The following PAFAH1B1 variants were observed in gnomAD, a reference collection of about 807,000 sequenced individuals.
PAFAH1B1 encodes the protein platelet activating factor acetylhydrolase 1b regulatory subunit 1.
A neutral mutation model predicts 57.5 loss-of-function variants in PAFAH1B1; 2 were observed. That is an observed-to-expected ratio of 0.03 (90% CI 0.01 to 0.11). PAFAH1B1 has a LOEUF of 0.11. Ranked by LOEUF, PAFAH1B1 falls within the 10% of genes least tolerant of loss-of-function variation. PAFAH1B1 has a pLI of 1.00. For synonymous variants in PAFAH1B1, 152 were observed against 169.6 expected, an observed-to-expected ratio of 0.90 and a Z score of 0.81; for missense variants, 257 against 512.0, an observed-to-expected ratio of 0.50 and a Z score of 4.81.
At chr17:2,673,806 G>A in intron 7 of PAFAH1B1, 1 of 462,356 alleles carries the variant, frequency 2.2e-6, no homozygotes, top group Non-Finnish European at 3.9e-6. Flanking sequence ...ACTTTTAAGT[G>A]TGCATTTAGT....
At chr17:2,649,523 C>T (rs201493165) in intron 2 of PAFAH1B1, among the ~76,000 whole-genome samples, 291 of 146,876 alleles carry the variant, frequency 2.0e-3, no homozygotes, top group East Asian at 5.0e-3. Context: ...TTGCAGTGAG[C>T]GGATGTCGTG....
At chr17:2,607,135 T>A (rs1321861024) in intron 1 of PAFAH1B1, among the ~76,000 whole-genome samples, 2 of 151,928 alleles carry the variant, frequency 1.3e-5, no homozygotes, top group Non-Finnish European at 2.9e-5. Flanking sequence ...AGAGCTTTTT[T>A]AAAGAAGGCA....
intron 2 of PAFAH1B1, among the ~76,000 whole-genome samples, chr17:2,652,264 A>T (rs966456515): frequency 7.2e-5 from 11 of 152,110 alleles, no homozygotes; most frequent in African/African-American, 2.7e-4. Context: ...CAAAAAAAAA[A>T]ATTGGCCGGG....
intron 10 of PAFAH1B1, chr17:2,681,012 A>C (rs2069375625): frequency 6.3e-6 from 1 of 158,972 alleles, no homozygotes. Context: ...TGAGCCCAGG[A>C]GTTCTGGGTT....
intron 10 of PAFAH1B1, 35 bp from the exon 11 acceptor site, chr17:2,681,694 G>A (rs767902659): frequency 6.5e-7 from 1 of 1,543,980 alleles, no homozygotes; most frequent in Non-Finnish European, 8.9e-7. Flanking sequence ...AGGCTTACGT[G>A]TGAGTTTTAA....
chr17:2,643,030 T>C (rs1239468221), intron 2 of PAFAH1B1, among the ~76,000 whole-genome samples: 1 of 152,038 alleles, frequency 6.6e-6, no homozygotes, highest in African/African-American at 2.4e-5. Flanking sequence ...GATAGATATA[T>C]ATCTTCTTAT....
chr17:2,610,967 A>G (rs2151614711), intron 1 of PAFAH1B1, among the ~76,000 whole-genome samples: 1 of 152,308 alleles, frequency 6.6e-6, no homozygotes, highest in Middle Eastern at 3.4e-3. Flanking sequence ...CCATACATCA[A>G]GTACAGACCA....
intron 10 of PAFAH1B1, chr17:2,680,794 A>G: frequency 8.9e-6 from 2 of 225,872 alleles, no homozygotes; most frequent in Non-Finnish European, 1.8e-5. Context: ...TAAATGCACT[A>G]AAGTATAATG....
intron 1 of PAFAH1B1, among the ~76,000 whole-genome samples, chr17:2,605,962 A>G (rs1347880963): frequency 2.6e-5 from 4 of 152,184 alleles, no homozygotes; most frequent in African/African-American, 9.7e-5. Context: ...ACACTAGGGA[A>G]GCAAAGTCTT....
intron 2 of PAFAH1B1, chr17:2,641,753 TACGGGC>T (rs1232167368): frequency 1.3e-5 from 2 of 152,220 alleles, no homozygotes; most frequent in African/African-American, 4.8e-5. Context: ...GAGACCAAGA[TACGGGC>T]ACTAGGTATG....
intron 2 of PAFAH1B1, among the ~76,000 whole-genome samples, chr17:2,647,464 G>C (rs979157575): frequency 1.3e-5 from 2 of 152,156 alleles, no homozygotes; most frequent in African/African-American, 4.8e-5. Context: ...TTGAACCTGA[G>C]AGGCAGAGAT....
In PAFAH1B1 at chr17:2,675,332, T is replaced by C. The variant is rs559965144; in HGVS notation, c.900+1044T>C. On this transcript the variant is annotated intron_variant, in intron 8 of 10. Coordinates refer to ENST00000397195, the MANE Select transcript of PAFAH1B1 (RefSeq NM_000430.4). ...ATTGATTTTGACAGAGGCATTCCTA[T>C]CATGTATTTTTAAAACTACATGTCA... 8.5e-4 allele frequency among the ~76,000 whole-genome samples: 130 copies of C among 152,300 alleles called. 2 individuals are homozygous for C. The highest frequency in any genetic ancestry group is 2.9e-3 in the African/African-American group (122 of 41,578).
At position 2,666,094 on chromosome 17, in the gene PAFAH1B1, A is replaced by C; in HGVS notation, c.192+4A>C. 1 of 1,496,668 alleles carries C rather than the reference A, an allele frequency of 6.7e-7. No individual in the cohort carries two copies. The highest frequency in any genetic ancestry group is 9.1e-7 in the Non-Finnish European group (1 of 1,094,012). 92.7% of individuals were successfully genotyped at this position (1,496,668 alleles called of 1,614,324 possible). A position where few individuals can be genotyped will look rare whatever the true frequency, so the allele number is the denominator to read the frequency against. ...TGTTATTAGATTACAAAAGAAGGTAACTAAGTCTTTTTTCTTTAAAATTAG... is the reference window on the plus strand; with the variant it reads ...TGTTATTAGATTACAAAAGAAGGTACCTAAGTCTTTTTTCTTTAAAATTAG... On this transcript the variant is annotated splice_donor_region_variant and intron_variant, in intron 4 of 10. Coordinates refer to ENST00000397195, the MANE Select transcript of PAFAH1B1 (RefSeq NM_000430.4).
chr17:2,645,104 G>A (rs552405396), intron 2 of PAFAH1B1, among the ~76,000 whole-genome samples: 7 of 152,110 alleles, frequency 4.6e-5, no homozygotes, highest in South Asian at 4.2e-4. Flanking sequence ...AAAATTAGCC[G>A]GTTGTGGTGG....
chr17:2,614,438 T>C (rs1033658809), intron 1 of PAFAH1B1, among the ~76,000 whole-genome samples: 1 of 152,188 alleles, frequency 6.6e-6, no homozygotes, highest in Non-Finnish European at 1.5e-5. Flanking sequence ...TGCTGACCCC[T>C]GGTCTAGATA....
intron 1 of PAFAH1B1, among the ~76,000 whole-genome samples, chr17:2,595,862 C>G (rs545867936): frequency 6.6e-6 from 1 of 152,146 alleles, no homozygotes; most frequent in Non-Finnish European, 1.5e-5. Flanking sequence ...TACCTCCCCC[C>G]ACATCCTTTT....
upstream of PAFAH1B1, among the ~76,000 whole-genome samples, chr17:2,593,590 G>GGGCGGCGGGGGCGGC: frequency 6.7e-6 from 1 of 148,772 alleles, no homozygotes; most frequent in East Asian, 2.0e-4. Context: ...GGCGGGTCTG[G>GGGCGGCGGGGGCGGC]GGCGGCGGCG....
At chr17:2,638,349 AAAAT>A (rs774268546) in intron 2 of PAFAH1B1, 29 bp downstream of exon 2, 85 of 1,597,600 alleles carry the variant, frequency 5.3e-5, no homozygotes, top group Middle Eastern at 3.5e-4. Flanking sequence ...TGCTTTAAAA[AAAAT>A]CTCCCTCATG....
Position 2,653,879 on chromosome 17 carries a change from G to A in PAFAH1B1, c.33-11493G>A, listed in dbSNP as rs938630206. Among the ~76,000 whole-genome samples the A allele has an allele frequency of 4.6e-5, 7 of 152,146 alleles. No homozygotes were observed. The East Asian group carries it at 1.4e-3, about 29-fold the overall frequency. Reference sequence around the variant, plus strand: ...GCTGGAGTACAGTGGCGCAATCTCGGCTTACTGCAACCTCCACCTCCTGGG... The same window carrying A: ...GCTGGAGTACAGTGGCGCAATCTCGACTTACTGCAACCTCCACCTCCTGGG... On this transcript the variant is annotated intron_variant, in intron 2 of 10. Coordinates refer to ENST00000397195, the MANE Select transcript of PAFAH1B1 (RefSeq NM_000430.4).
Sources: gnomAD v4.1 joint callset for allele counts (sites outside exome capture counted in the v4.1 genomes callset) on GRCh38, gnomAD v4.1.1 for gene constraint, MANE v1.5 for transcripts, NCBI Gene and HGNC (gene_info 2026-07-23, HGNC 2026-07-21) for gene names.